Variants in ERBB4 observed in about 807,000 individuals in gnomAD.
ERBB4 encodes receptor tyrosine-protein kinase erbB-4.
A neutral mutation model predicts 158.0 loss-of-function variants in ERBB4; 42 were observed. The ratio of observed to expected loss-of-function variants is 0.27; its 90% CI spans 0.21 to 0.34. ERBB4 has a LOEUF of 0.34. ERBB4 is among the 10% of genes least tolerant of loss of function. ERBB4 has a pLI of 1.00. For missense variants in ERBB4, 1,333 were observed against 1,624.1 expected, an observed-to-expected ratio of 0.82 and a Z score of 3.08; for synonymous variants, 583 against 558.7, an observed-to-expected ratio of 1.04 and a Z score of -0.61.
intron 3 of ERBB4, among the ~76,000 whole-genome samples, chr2:211,800,088 C>A (rs898243815): frequency 1.3e-5 from 2 of 152,088 alleles, no homozygotes; most frequent in African/African-American, 4.8e-5. Context: ...TTTCTGCACC[C>A]CAAAGGCATA....
rs16847553 is a variant in ERBB4 at position 212,032,317 on chromosome 2, G to A, written c.235-84701C>T. 2.2e-3 allele frequency among the ~76,000 whole-genome samples: 336 copies of A among 152,162 alleles called. 5 individuals are homozygous for A. Among genetic ancestry groups the A allele is most frequent in the Admixed American group, 0.014 (211 of 15,254 alleles). ...TAGAAATACTGAAAAAACATCAAAT[G>A]TATGTGTCAAGTTAATTTGCCACTC... On this transcript the variant is annotated intron_variant, in intron 2 of 27. Coordinates refer to ENST00000342788, the MANE Select transcript of ERBB4 (RefSeq NM_005235.3).
Position 211,383,556 on chromosome 2 carries a change from G to A in ERBB4, c.*59C>T, listed in dbSNP as rs554806031. 1 of 1,420,810 alleles carries A rather than the reference G, an allele frequency of 7.0e-7. No homozygotes were observed. Among genetic ancestry groups the A allele is most frequent in the South Asian group, 1.2e-5 (1 of 86,374 alleles). 88.0% of individuals were successfully genotyped at this position (1,420,810 alleles called of 1,614,324 possible). ...TAGAAGGAAGACCACCAGAGAAAGA[G>A]AGGGGGGTGGGGAAATTGGAGCAGG... On this transcript the variant is annotated 3_prime_UTR_variant, in exon 28 of 28. Transcript: ENST00000342788.
chr2:212,237,579 T>C (rs1428574500), intron 1 of ERBB4, among the ~76,000 whole-genome samples: 1 of 152,114 alleles, frequency 6.6e-6, no homozygotes, highest in Non-Finnish European at 1.5e-5. Context: ...GAGGAGGCAG[T>C]CTGTCGCTTA....
chr2:211,702,260 G>A (rs1033546483), intron 11 of ERBB4, 94 bp from the exon 12 acceptor site: 22 of 923,000 alleles, frequency 2.4e-5, no homozygotes, highest in Middle Eastern at 5.1e-4. Flanking sequence ...TGTTAATGGT[G>A]TATAAATGGA....
chr2:211,997,703 T>A (rs2125271276), intron 2 of ERBB4, among the ~76,000 whole-genome samples: 1 of 152,140 alleles, frequency 6.6e-6, no homozygotes, highest in African/African-American at 2.4e-5. Context: ...TGTCCTTTAC[T>A]GAAGACCAAT....
intron 3 of ERBB4, among the ~76,000 whole-genome samples, chr2:211,897,727 A>G (rs1282275997): frequency 6.6e-6 from 1 of 151,704 alleles, no homozygotes; most frequent in South Asian, 2.1e-4. Flanking sequence ...TTTGCTTTTA[A>G]TTAATTGTTT....
chr2:211,934,633 C>A (rs936570650), intron 3 of ERBB4, among the ~76,000 whole-genome samples: 1 of 151,756 alleles, frequency 6.6e-6, no homozygotes, highest in Non-Finnish European at 1.5e-5. Flanking sequence ...AGACATCACC[C>A]CATGAGTAAC....
At chr2:212,230,815 A>T (rs963079645) in intron 1 of ERBB4, among the ~76,000 whole-genome samples, 3 of 152,188 alleles carry the variant, frequency 2.0e-5, no homozygotes, top group Admixed American at 2.0e-4. Context: ...GATCAGCATG[A>T]TAAAGAGTCT....
intron 1 of ERBB4, among the ~76,000 whole-genome samples, chr2:212,159,595 G>A (rs2081145170): frequency 6.6e-6 from 1 of 151,820 alleles, no homozygotes; most frequent in Middle Eastern, 3.2e-3. Flanking sequence ...TTCCCAAGTT[G>A]GGTATGACAG....
rs796213087 is a variant in ERBB4, at chr2:211,696,424, T to G, written c.1489+5543A>C. ...CTGTGCCCAGCTATGTATAGCACTT[T>G]CTTTGAGCCAGGCCTTCAATGAGGT... On this transcript the variant is annotated intron_variant, in intron 12 of 27. Transcript: ENST00000342788. 3.9e-5 allele frequency among the ~76,000 whole-genome samples: 6 copies of G among 152,052 alleles called. No individual in the cohort carries two copies. The South Asian group carries it at 1.0e-3, about 26-fold the overall frequency.
intron 1 of ERBB4, among the ~76,000 whole-genome samples, chr2:212,179,866 T>TGA (rs1391108596): frequency 9.2e-5 from 14 of 151,796 alleles, no homozygotes; most frequent in Non-Finnish European, 1.8e-4. Context: ...ATTTCTCACA[T>TGA]TATTTATTTT....
intron 3 of ERBB4, among the ~76,000 whole-genome samples, chr2:211,826,851 A>C (rs2077110169): frequency 6.6e-6 from 1 of 152,082 alleles, no homozygotes; most frequent in South Asian, 2.1e-4. Flanking sequence ...TATTTTACTT[A>C]AGGCAATCCT....
intron 1 of ERBB4, among the ~76,000 whole-genome samples, chr2:212,222,630 A>G (rs1574465425): frequency 1.3e-5 from 2 of 150,966 alleles, no homozygotes; most frequent in African/African-American, 4.8e-5. Flanking sequence ...TTTTTTAATC[A>G]TGATTTCCCA....
intron 1 of ERBB4, among the ~76,000 whole-genome samples, chr2:212,426,086 G>C (rs1229974279): frequency 6.6e-6 from 1 of 151,894 alleles, no homozygotes; most frequent in Non-Finnish European, 1.5e-5. Context: ...TACAATGTCT[G>C]AACTTCTTTA....
chr2:212,440,994 G>A (rs898385421), intron 1 of ERBB4, among the ~76,000 whole-genome samples: 2 of 152,144 alleles, frequency 1.3e-5, no homozygotes, highest in Non-Finnish European at 2.9e-5. Flanking sequence ...TCTAGAGAAA[G>A]AACTGAAATT....
intron 2 of ERBB4, among the ~76,000 whole-genome samples, chr2:212,068,355 T>A (rs1352762972): frequency 2.0e-5 from 3 of 152,014 alleles, no homozygotes; most frequent in Admixed American, 2.0e-4. Flanking sequence ...AGACCATTGT[T>A]TTGGACTCAG....
At position 211,772,934 on chromosome 2, in the gene ERBB4, T is replaced by C. The variant is rs1294620692; in HGVS notation, c.556+15091A>G. On this transcript the variant is annotated intron_variant, in intron 4 of 27. Coordinates refer to ENST00000342788, the MANE Select transcript of ERBB4 (RefSeq NM_005235.3). ...ACACACACACACACACATATATATA[T>C]ATATATATATATATATATATATTTT... Among the ~76,000 whole-genome samples, 40 of 79,894 alleles carry C rather than the reference T, an allele frequency of 5.0e-4. 1 individual carries two copies. Among genetic ancestry groups the C allele is most frequent in the African/African-American group, 2.7e-3 (35 of 12,974 alleles). The allele number at this position is 79,894 out of a possible 152,430, so 52.4% of individuals were successfully genotyped here. A position where few individuals can be genotyped will look rare whatever the true frequency, so the allele number is the denominator to read the frequency against.
At chr2:211,827,104 G>A (rs2077117388) in intron 3 of ERBB4, among the ~76,000 whole-genome samples, 1 of 139,902 alleles carries the variant, frequency 7.1e-6, no homozygotes, top group Admixed American at 7.1e-5. Flanking sequence ...TCACTTTTAA[G>A]TATGGTTAGA....
At chr2:212,163,055 C>A (rs1486923609) in intron 1 of ERBB4, among the ~76,000 whole-genome samples, 1 of 151,860 alleles carries the variant, frequency 6.6e-6, no homozygotes, top group Non-Finnish European at 1.5e-5. Context: ...CAGTTTCTCT[C>A]CTTCTGTTGG....
Sources: gnomAD v4.1 joint callset for allele counts (sites outside exome capture counted in the v4.1 genomes callset) on GRCh38, gnomAD v4.1.1 for gene constraint, MANE v1.5 for transcripts, NCBI Gene and HGNC (gene_info 2026-07-23, HGNC 2026-07-21) for gene names.